GSDME: variants seen among roughly 807,000 people sequenced by gnomAD.
GSDME encodes the protein gasdermin-E.
Under a neutral mutation model 47.5 loss-of-function variants are expected in GSDME, and 44 were observed. The ratio of observed to expected loss-of-function variants is 0.93; its 90% CI spans 0.73 to 1.19. The LOEUF (loss-of-function observed/expected upper bound fraction) is 1.19, where lower values mean the gene tolerates loss of function less well. GSDME is among the 50% of genes most tolerant of loss of function. GSDME has a pLI of 0.00. For synonymous variants in GSDME, 258 were observed against 252.8 expected (o/e 1.02, Z -0.20); for missense variants, 663 against 604.2 (o/e 1.10, Z -1.02).
chr7:24,709,899 T>C (rs1167285602), intron 6 of GSDME, among the ~76,000 whole-genome samples: 1 of 152,022 alleles, frequency 6.6e-6, no homozygotes, highest in East Asian at 1.9e-4. Context: ...GAGCCATTCT[T>C]AGTAGTCAAC....
intron 3 of GSDME, among the ~76,000 whole-genome samples, chr7:24,720,038 C>T (rs964830117): frequency 2.0e-5 from 3 of 152,172 alleles, no homozygotes; most frequent in Non-Finnish European, 4.4e-5. Flanking sequence ...GAGGAAACTT[C>T]TTAACCTGTC....
In GSDME at chr7:24,739,494, G is replaced by A. The variant is rs1790418889; in HGVS notation, c.404+5068C>T. ...GGCAATAAAAACTGCTGATAAGAAT[G>A]TGGAAAAAAAGGGAATGCCTGTACA... On this transcript the variant is annotated intron_variant, in intron 3 of 9. Transcript: ENST00000645220. This position sits in a 1 kb window ranked among gnomAD's most constrained non-coding sequence, Gnocchi z 5.1. Among the ~76,000 whole-genome samples, 1 of 152,050 alleles carries A rather than the reference G, an allele frequency of 6.6e-6. No individual in the cohort carries two copies. Among genetic ancestry groups the A allele is most frequent in the Non-Finnish European group, 1.5e-5 (1 of 67,978 alleles).
At chr7:24,727,038 G>A (rs760546138) in intron 3 of GSDME, among the ~76,000 whole-genome samples, 25 of 152,192 alleles carry the variant, frequency 1.6e-4, no homozygotes, top group Non-Finnish European at 2.9e-4. Flanking sequence ...AGCTATTACT[G>A]CCTGGCTGTA....
At chr7:24,719,022 C>A (rs201217155) in intron 4 of GSDME, 25 bp downstream of exon 4, 1 of 1,610,914 alleles carries the variant, frequency 6.2e-7, no homozygotes, top group African/African-American at 1.3e-5. Flanking sequence ...CAGCCATGAA[C>A]GCAGGGCAGC....
intron 3 of GSDME, among the ~76,000 whole-genome samples, chr7:24,743,014 C>T (rs961660186): frequency 2.0e-5 from 3 of 152,126 alleles, no homozygotes; most frequent in Non-Finnish European, 2.9e-5. Context: ...AAAAGGGAAC[C>T]CCTGGTGGAG....
At chr7:24,774,298 TCCC>T in the GSDME span, among the ~76,000 whole-genome samples, 3 of 79,562 alleles carry the variant, frequency 3.8e-5, no homozygotes, top group East Asian at 8.2e-4. Context: ...CCTCCCTCCC[TCCC>T]TTCCTCCCTC....
At chr7:24,734,682 G>A (rs1790246319) in intron 3 of GSDME, among the ~76,000 whole-genome samples, 1 of 152,118 alleles carries the variant, frequency 6.6e-6, no homozygotes, top group South Asian at 2.1e-4. Context: ...CTCTTAAATA[G>A]CAGAATTGAT....
In GSDME at chr7:24,708,359, G is replaced by A. The variant is rs1022137380; in HGVS notation, c.863-105C>T. ...ACCTAATCGTCATCAGTTCTTTCAT[G>A]GATATTCCCAGCTGCATAGTCAGTC... On this transcript the variant is annotated intron_variant, in intron 6 of 9. Coordinates refer to ENST00000645220, the MANE Select transcript of GSDME (RefSeq NM_001127453.2). 1.7e-5 allele frequency: 23 copies of A among 1,350,354 alleles called. No homozygotes were observed. The African/African-American group carries it at 2.6e-4, about 15-fold the overall frequency. 83.6% of individuals were successfully genotyped at this position (1,350,354 alleles called of 1,614,324 possible).
At chr7:24,702,114 G>A (rs1788893542) in intron 9 of GSDME, among the ~76,000 whole-genome samples, 3 of 152,214 alleles carry the variant, frequency 2.0e-5, no homozygotes, top group Admixed American at 2.0e-4. Flanking sequence ...ATCTGCAAAA[G>A]CTACACAAGA....
At chr7:24,783,323 A>G in the GSDME span, among the ~76,000 whole-genome samples, 1 of 152,154 alleles carries the variant, frequency 6.6e-6, no homozygotes, top group Non-Finnish European at 1.5e-5. Flanking sequence ...CTAGGGCTCA[A>G]TTTCTTCCAG....
chr7:24,741,061 A>T (rs1423965634), intron 3 of GSDME, among the ~76,000 whole-genome samples: 1 of 152,166 alleles, frequency 6.6e-6, no homozygotes, highest in East Asian at 1.9e-4. Flanking sequence ...GCCTTCAGAG[A>T]TCATCTAGTC....
intron 1 of GSDME, among the ~76,000 whole-genome samples, chr7:24,750,408 G>C (rs1790818098): frequency 6.6e-6 from 1 of 152,158 alleles, no homozygotes; most frequent in Admixed American, 6.5e-5. Context: ...CTTGAGTCCA[G>C]GAATTGGAGA....
intron 5 of GSDME, among the ~76,000 whole-genome samples, chr7:24,713,652 G>A (rs770569055): frequency 1.1e-4 from 17 of 152,256 alleles, no homozygotes; most frequent in Non-Finnish European, 2.9e-5. Context: ...GACCCATGCT[G>A]GGCTGGCCCA....
At chr7:24,743,213 G>A (rs142750030) in intron 3 of GSDME, among the ~76,000 whole-genome samples, 37 of 152,236 alleles carry the variant, frequency 2.4e-4, no homozygotes, top group African/African-American at 8.4e-4. Context: ...GAGTTTTATC[G>A]TATTTTTTAT....
chr7:24,784,891 G>A, the GSDME span, among the ~76,000 whole-genome samples: 2 of 151,978 alleles, frequency 1.3e-5, no homozygotes, highest in Admixed American at 1.3e-4. Flanking sequence ...GCAGCTGATT[G>A]GATGGTGCCC....
intron 3 of GSDME, among the ~76,000 whole-genome samples, chr7:24,723,320 AG>A (rs1346600281): frequency 1.3e-5 from 2 of 151,954 alleles, no homozygotes; most frequent in African/African-American, 4.8e-5. Flanking sequence ...AAGCAGCCCC[AG>A]GGGGAGAGCT....
intron 3 of GSDME, among the ~76,000 whole-genome samples, chr7:24,737,650 A>T (rs1790352524): frequency 6.6e-6 from 1 of 151,840 alleles, no homozygotes; most frequent in Non-Finnish European, 1.5e-5. Flanking sequence ...CTCATTTTAC[A>T]AGGCCAGTAT....
intron 5 of GSDME, among the ~76,000 whole-genome samples, chr7:24,713,877 A>G (rs1414507163): frequency 2.0e-5 from 3 of 152,142 alleles, no homozygotes; most frequent in African/African-American, 7.2e-5. Context: ...GGACTGCTTG[A>G]GCCCAGAGTT....
In GSDME at chr7:24,749,734, T is replaced by C. The variant is rs963142946; in HGVS notation, c.41A>G (p.Asp14Gly). 8 of 1,614,066 alleles carry C rather than the reference T, an allele frequency of 5.0e-6. No individual in the cohort carries two copies. The African/African-American group carries it at 1.1e-4, about 22-fold the overall frequency. ...KATRNFLREVDADGDLIAVSN... is the reference protein window; with the variant it reads ...KATRNFLREVGADGDLIAVSN... ...TACTGCAATCAGGTCACCATCAGCA[T>C]CAACTTCTCTAAGAAAATTCCTGGT... The change falls in exon 2 of 10, where the codon GAT (aspartate) becomes GGT (glycine). Residue 14 changes from aspartate to glycine, a missense_variant. By Grantham distance (94) the Asp-to-Gly change is moderately conservative (BLOSUM62 -1). Transcript: ENST00000645220.
Sources: gnomAD v4.1 joint callset for allele counts (sites outside exome capture counted in the v4.1 genomes callset) on GRCh38, gnomAD v4.1.1 for gene constraint, Gnocchi (gnomAD v3.1) non-coding constraint, MANE v1.5 for transcripts, NCBI Gene and HGNC (gene_info 2026-07-23, HGNC 2026-07-21) for gene names.